WHRN: variants seen among roughly 807,000 people sequenced by gnomAD.
WHRN encodes the protein whirlin.
WHRN carries 41 observed loss-of-function variants against 68.3 expected under a neutral mutation model. That is an observed-to-expected ratio of 0.60 (90% CI 0.47 to 0.78). The LOEUF is 0.78. Among genes scored for constraint, WHRN ranks in the 30% least tolerant of loss-of-function variants. The pLI is 0.00. For synonymous variants in WHRN, 560 were observed against 561.3 expected, an observed-to-expected ratio of 1.00 and a Z score of 0.03; for missense variants, 1,243 against 1,244.7, an observed-to-expected ratio of 1.00 and a Z score of 0.02.
rs1264733962 is a variant in WHRN, at chr9:114,402,209, G to A, written c.*545C>T. 1 of 169,942 alleles carries A rather than the reference G, an allele frequency of 5.9e-6. No individual in the cohort carries two copies. Among genetic ancestry groups the A allele is most frequent in the Non-Finnish European group, 1.3e-5 (1 of 77,058 alleles). The allele number at this position is 169,942 out of a possible 1,614,324, so 10.5% of individuals were successfully genotyped here. A position where few individuals can be genotyped will look rare whatever the true frequency, so the allele number is the denominator to read the frequency against. On this transcript the variant is annotated 3_prime_UTR_variant, in exon 12 of 12. Coordinates refer to ENST00000362057, the MANE Select transcript of WHRN (RefSeq NM_015404.4). ...GTGCAGAGGGAAGCTGGGGCCTTGG[G>A]GTCCCCAGGGGCATGGGGAGGGAAA... is the stretch of plus-strand genomic sequence containing the variant.
At position 114,426,413 on chromosome 9, in the gene WHRN, C is replaced by A. The variant is rs1564140210; in HGVS notation, c.964G>T (p.Val322Phe). 6.2e-7 allele frequency: 1 copy of A among 1,613,532 alleles called. No homozygotes were observed. ...TTCACTTCTAGAATCTGGTCCCCAA[C>A]CTGCCAAGATCACCACACAATACAG... ...GSEAEGSGLK[V>F]GDQILEVNGR... Residue 322 changes from valine to phenylalanine, a missense_variant and splice_region_variant, in exon 4 of 12, where the codon GTT (valine) becomes TTT (phenylalanine). Val to Phe is a conservative substitution (Grantham distance 50, BLOSUM62 -1). Coordinates refer to ENST00000362057, the MANE Select transcript of WHRN (RefSeq NM_015404.4).
At chr9:114,472,437 T>A (rs937765671) in intron 2 of WHRN, among the ~76,000 whole-genome samples, 3 of 152,198 alleles carry the variant, frequency 2.0e-5, no homozygotes, top group Non-Finnish European at 2.9e-5. Flanking sequence ...CGGATCCGTG[T>A]ATGATCATTT....
intron 3 of WHRN, among the ~76,000 whole-genome samples, chr9:114,440,937 G>A (rs1430160053): frequency 6.6e-6 from 1 of 152,174 alleles, no homozygotes; most frequent in African/African-American, 2.4e-5. Flanking sequence ...GATGCTGGAA[G>A]TTCTCCCAAG....
intron 3 of WHRN, among the ~76,000 whole-genome samples, chr9:114,465,002 G>A (rs1200453842): frequency 6.6e-6 from 1 of 152,176 alleles, no homozygotes; most frequent in Admixed American, 6.5e-5. Context: ...TCAGTGTTTG[G>A]TGAGGGCTTA....
chr9:114,403,102 C>T, intron 11 of WHRN, 115 bp downstream of exon 11: 1 of 1,559,440 alleles, frequency 6.4e-7, no homozygotes, highest in South Asian at 1.1e-5. Context: ...TGACATAAGC[C>T]TAGGTCTGCC....
intron 2 of WHRN, among the ~76,000 whole-genome samples, chr9:114,472,301 G>A (rs568402866): frequency 1.3e-5 from 2 of 152,126 alleles, no homozygotes; most frequent in African/African-American, 2.4e-5. Flanking sequence ...CCCCAGACTC[G>A]GCCTGGTTGC....
At chr9:114,478,504 G>A in intron 2 of WHRN, 49 bp downstream of exon 2, 2 of 1,600,782 alleles carry the variant, frequency 1.2e-6, no homozygotes, top group Middle Eastern at 1.7e-4. Flanking sequence ...GGGTTCGGAG[G>A]GAGAATACGG....
At position 114,478,710 on chromosome 9, in the gene WHRN, C is replaced by G; in HGVS notation, c.680G>C (p.Gly227Ala). 1 of 1,610,648 alleles carries G rather than the reference C, an allele frequency of 6.2e-7. No homozygotes were observed. Among genetic ancestry groups the G allele is most frequent in the Non-Finnish European group, 8.5e-7 (1 of 1,179,202 alleles). ...GGTGTAGATGTGGTTGGTGACGTAG[C>G]CCCCAGGGATGCGCCCTGCTGAGTA... ...SVYSAGRIPG[G>A]YVTNHIYTWV... Residue 227 changes from glycine to alanine, a missense_variant, in exon 2 of 12, where the codon GGC becomes GCC. Coordinates refer to ENST00000362057, the MANE Select transcript of WHRN (RefSeq NM_015404.4).
chr9:114,418,937 T>C (rs1336431860), intron 7 of WHRN, among the ~76,000 whole-genome samples: 2 of 152,242 alleles, frequency 1.3e-5, no homozygotes, highest in African/African-American at 4.8e-5. Context: ...AAGGATTTCT[T>C]TGGTGTTCAC....
chr9:114,476,945 A>G (rs1347814673), intron 2 of WHRN, among the ~76,000 whole-genome samples: 1 of 152,148 alleles, frequency 6.6e-6, no homozygotes, highest in Non-Finnish European at 1.5e-5. Flanking sequence ...AAGATAAAAC[A>G]AGTTCTGTGC....
At chr9:114,488,261 T>C (rs190229645) in intron 1 of WHRN, among the ~76,000 whole-genome samples, 13 of 152,238 alleles carry the variant, frequency 8.5e-5, no homozygotes, top group Non-Finnish European at 1.5e-4. Context: ...AAAATGTGCA[T>C]AAAGCATCTT....
chr9:114,475,654 G>A (rs1039559602), intron 2 of WHRN, among the ~76,000 whole-genome samples: 2 of 152,190 alleles, frequency 1.3e-5, no homozygotes, highest in South Asian at 2.1e-4. Flanking sequence ...GAGTCCAAGA[G>A]TCTGGCCGTG....
intron 9 of WHRN, among the ~76,000 whole-genome samples, chr9:114,404,526 C>T (rs1834886724): frequency 6.6e-6 from 1 of 152,200 alleles, no homozygotes. Flanking sequence ...TCCACCACAC[C>T]TAGCCTGAAC....
At chr9:114,429,869 G>A (rs930717371) in intron 3 of WHRN, among the ~76,000 whole-genome samples, 1 of 152,174 alleles carries the variant, frequency 6.6e-6, no homozygotes, top group Non-Finnish European at 1.5e-5. Context: ...TTCCTGCTGG[G>A]CTCACTGGCA....
intron 2 of WHRN, among the ~76,000 whole-genome samples, chr9:114,472,636 C>T (rs1412248677): frequency 6.6e-6 from 1 of 152,154 alleles, no homozygotes; most frequent in African/African-American, 2.4e-5. Flanking sequence ...CACACTAGAG[C>T]GTCAGCCCTT....
intron 2 of WHRN, among the ~76,000 whole-genome samples, chr9:114,468,628 C>G (rs1465399691): frequency 6.6e-6 from 1 of 152,050 alleles, no homozygotes; most frequent in Non-Finnish European, 1.5e-5. Flanking sequence ...CTGCCTTAGT[C>G]CAGGACCAGC....
intron 10 of WHRN, 131 bp from the exon 11 acceptor site, chr9:114,403,470 T>A: frequency 1.6e-6 from 2 of 1,217,634 alleles, no homozygotes; most frequent in Non-Finnish European, 2.4e-6. Flanking sequence ...GAGCCTCAGG[T>A]GTGCAACGCA....
At chr9:114,465,109 G>A (rs1840567249) in intron 3 of WHRN, among the ~76,000 whole-genome samples, 1 of 152,176 alleles carries the variant, frequency 6.6e-6, no homozygotes, top group African/African-American at 2.4e-5. Context: ...ACTGGGACTT[G>A]AACCTAGTCT....
At chr9:114,451,943 A>T (rs1346866363) in intron 3 of WHRN, among the ~76,000 whole-genome samples, 1 of 152,194 alleles carries the variant, frequency 6.6e-6, no homozygotes, top group Admixed American at 6.5e-5. Flanking sequence ...TGCTGGGAGC[A>T]TTAAATGATT....
Sources: gnomAD v4.1 joint callset for allele counts (sites outside exome capture counted in the v4.1 genomes callset) on GRCh38, gnomAD v4.1.1 for gene constraint, MANE v1.5 for transcripts, NCBI Gene and HGNC (gene_info 2026-07-23, HGNC 2026-07-21) for gene names.